Variants in KLRF1 observed in about 807,000 individuals in gnomAD.
KLRF1 encodes the protein killer cell lectin like receptor F1, also known as killer cell lectin-like receptor subfamily F member 1.
Under a neutral mutation model 30.7 loss-of-function variants are expected in KLRF1, and 27 were observed. That is an observed-to-expected ratio of 0.88 (90% CI 0.65 to 1.21). The LOEUF is 1.21. Among genes scored for constraint, KLRF1 ranks in the 50% most tolerant of loss-of-function variants. The pLI is 0.00. For missense variants in KLRF1, 246 were observed against 259.3 expected (o/e 0.95, Z 0.35); for synonymous variants, 92 against 89.3 (o/e 1.03, Z -0.17).
At chr12:9,822,473 G>T in the KLRF1 span, among the ~76,000 whole-genome samples, 1,714 of 152,198 alleles carry the variant, frequency 0.011, 32 homozygotes, top group African/African-American at 0.039. Context: ...AGAATGAAAA[G>T]GAAGGAACAA....
chr12:9,841,242 A>G (rs1454162120), intron 3 of KLRF1, among the ~76,000 whole-genome samples: 2 of 152,134 alleles, frequency 1.3e-5, no homozygotes, highest in African/African-American at 4.8e-5. Flanking sequence ...GTTCTCACTT[A>G]CAAGTGGGAG....
upstream of KLRF1, among the ~76,000 whole-genome samples, chr12:9,823,235 A>AC (rs1024984286): frequency 6.9e-5 from 10 of 144,854 alleles, no homozygotes; most frequent in South Asian, 1.0e-3. Flanking sequence ...AAAAAAAAAA[A>AC]ACAAAAACTC....
upstream of KLRF1, among the ~76,000 whole-genome samples, chr12:9,825,006 A>C (rs1812863751): frequency 1.3e-5 from 2 of 152,202 alleles, no homozygotes; most frequent in Non-Finnish European, 2.9e-5. Flanking sequence ...ATGCTCATGG[A>C]TCAGAATAAT....
chr12:9,826,729 A>G (rs1867289844), upstream of KLRF1, among the ~76,000 whole-genome samples: 1 of 152,208 alleles, frequency 6.6e-6, no homozygotes, highest in African/African-American at 2.4e-5. Context: ...AGGAACATAG[A>G]TGAAGCTAGA....
intron 3 of KLRF1, among the ~76,000 whole-genome samples, chr12:9,838,876 C>A (rs936739991): frequency 2.0e-5 from 3 of 152,042 alleles, no homozygotes; most frequent in Non-Finnish European, 2.9e-5. Flanking sequence ...TTATTTAGTA[C>A]ACATTTTTCA....
upstream of KLRF1, among the ~76,000 whole-genome samples, chr12:9,824,341 A>G (rs1867257641): frequency 2.6e-5 from 4 of 152,210 alleles, no homozygotes; most frequent in Admixed American, 2.0e-4. Flanking sequence ...AATATGACTC[A>G]TTTCATAAAC....
At chr12:9,841,026 A>G (rs1235490712) in intron 3 of KLRF1, among the ~76,000 whole-genome samples, 1 of 152,158 alleles carries the variant, frequency 6.6e-6, no homozygotes, top group Admixed American at 6.6e-5. Context: ...ACTATTCGCT[A>G]TAGAAAAACA....
At chr12:9,834,971 T>A (rs943425500) in intron 3 of KLRF1, among the ~76,000 whole-genome samples, 4 of 152,102 alleles carry the variant, frequency 2.6e-5, no homozygotes, top group Admixed American at 6.6e-5. Context: ...ATGTCTGTGA[T>A]GCTAGCAGAG....
At chr12:9,818,853 G>T in the KLRF1 span, among the ~76,000 whole-genome samples, 1 of 152,206 alleles carries the variant, frequency 6.6e-6, no homozygotes, top group Non-Finnish European at 1.5e-5. Context: ...AGTGTGTGCT[G>T]TTCTCACAGG....
At chr12:9,835,079 C>T (rs1324920443) in intron 3 of KLRF1, among the ~76,000 whole-genome samples, 3 of 152,052 alleles carry the variant, frequency 2.0e-5, no homozygotes, top group African/African-American at 4.8e-5. Context: ...CCTAAACCAA[C>T]AAGCAAGGGA....
the KLRF1 span, among the ~76,000 whole-genome samples, chr12:9,810,325 G>T: frequency 6.6e-6 from 1 of 152,126 alleles, no homozygotes; most frequent in African/African-American, 2.4e-5. Context: ...CCCAGAAATC[G>T]CAGGTAGCTG....
At chr12:9,829,362 G>C (rs1180546218) in intron 1 of KLRF1, among the ~76,000 whole-genome samples, 1 of 152,058 alleles carries the variant, frequency 6.6e-6, no homozygotes, top group Non-Finnish European at 1.5e-5. Context: ...ACAATACCTA[G>C]TTAGATTCCT....
chr12:9,813,744 C>T, the KLRF1 span, among the ~76,000 whole-genome samples: 6 of 152,150 alleles, frequency 3.9e-5, no homozygotes, highest in Admixed American at 3.9e-4. Context: ...AGGCAGGTAG[C>T]TCAGCTGAAA....
At chr12:9,826,252 T>C (rs1274206137), upstream of KLRF1, among the ~76,000 whole-genome samples, 7 of 152,184 alleles carry the variant, frequency 4.6e-5, no homozygotes, top group Non-Finnish European at 8.8e-5. Context: ...TTATTTTTCC[T>C]GATCCTTTCC....
At chr12:9,830,479 TGG>T (rs1867391189) in intron 1 of KLRF1, among the ~76,000 whole-genome samples, 1 of 152,094 alleles carries the variant, frequency 6.6e-6, no homozygotes, top group African/African-American at 2.4e-5. Flanking sequence ...TTTCTTTTTC[TGG>T]ACTTAAGCAG....
chr12:9,832,417 A>C lies in KLRF1; in HGVS notation c.184+3A>C. 1 of 1,483,204 alleles carries C rather than the reference A, an allele frequency of 6.7e-7. No homozygotes were observed. Among genetic ancestry groups the C allele is most frequent in the Non-Finnish European group, 9.4e-7 (1 of 1,064,306 alleles). The allele number at this position is 1,483,204 out of a possible 1,614,324, so 91.9% of individuals were successfully genotyped here. A position where few individuals can be genotyped will look rare whatever the true frequency, so the allele number is the denominator to read the frequency against. ...TTTGATCTCCTTGATCCTGTTGGGTAAGTTTAGAAGATCTTAATTAAATAA... is the reference window on the plus strand; with the variant it reads ...TTTGATCTCCTTGATCCTGTTGGGTCAGTTTAGAAGATCTTAATTAAATAA... On this transcript the variant is annotated splice_donor_region_variant and intron_variant, in intron 2 of 5. Coordinates refer to ENST00000617889, the MANE Select transcript of KLRF1 (RefSeq NM_016523.3).
chr12:9,838,716 C>A (rs1312829292), intron 3 of KLRF1, among the ~76,000 whole-genome samples: 1 of 152,122 alleles, frequency 6.6e-6, no homozygotes, highest in Non-Finnish European at 1.5e-5. Flanking sequence ...ATGTTTAAAG[C>A]CACTACTAGA....
intron 3 of KLRF1, among the ~76,000 whole-genome samples, chr12:9,836,754 T>C (rs1051389876): frequency 3.9e-5 from 6 of 152,252 alleles, no homozygotes; most frequent in Admixed American, 2.6e-4. Flanking sequence ...TTTCCCAAAC[T>C]AATAGATATT....
chr12:9,805,491 C>A, the KLRF1 span, among the ~76,000 whole-genome samples: 2 of 151,986 alleles, frequency 1.3e-5, no homozygotes, highest in Admixed American at 6.6e-5. Context: ...AATACTATTG[C>A]GTTGATGATT....
Sources: gnomAD v4.1 joint callset for allele counts (sites outside exome capture counted in the v4.1 genomes callset) on GRCh38, gnomAD v4.1.1 for gene constraint, MANE v1.5 for transcripts, NCBI Gene and HGNC (gene_info 2026-07-23, HGNC 2026-07-21) for gene names.